The following POLR3H variants were observed in gnomAD, a reference collection of about 807,000 sequenced individuals.
The protein encoded by POLR3H is RNA polymerase III subunit H.
POLR3H carries 17 observed loss-of-function variants against 25.5 expected under a neutral mutation model. That is an observed-to-expected ratio of 0.67 (90% CI 0.46 to 1.00). POLR3H has a LOEUF of 1.00. Ranked by LOEUF, POLR3H falls within the 50% of genes least tolerant of loss-of-function variation. POLR3H has a pLI of 0.00. For synonymous variants in POLR3H, 129 were observed against 103.0 expected, an observed-to-expected ratio of 1.25 and a Z score of -1.53; for missense variants, 274 against 265.0, an observed-to-expected ratio of 1.03 and a Z score of -0.24.
At chr22:41,534,678 G>A (rs1197960537) in intron 2 of POLR3H, among the ~76,000 whole-genome samples, 2 of 151,926 alleles carry the variant, frequency 1.3e-5, no homozygotes, top group African/African-American at 2.4e-5. Flanking sequence ...GATCACCTGA[G>A]GTCAGCAGTT....
Position 41,526,052 on chromosome 22 carries a change from C to T in POLR3H, c.*3231G>A, listed in dbSNP as rs540690362. ...ATAAGGGAGACTGAGCAGCCAGAGG[C>T]CTTTGAGGGGATGAAGGCCTGGCCT... is the stretch of plus-strand genomic sequence containing the variant. On this transcript the variant is annotated 3_prime_UTR_variant, in exon 6 of 6. Coordinates refer to ENST00000355209, the MANE Select transcript of POLR3H (RefSeq NM_001018050.4). 4.0e-4 allele frequency: 213 copies of T among 527,144 alleles called. 1 individual carries two copies. Among genetic ancestry groups the T allele is most frequent in the Middle Eastern group, 1.0e-3 (2 of 1,976 alleles). The allele number at this position is 527,144 out of a possible 1,614,324, so 32.7% of individuals were successfully genotyped here.
In POLR3H at chr22:41,528,553, G is replaced by T. The variant is rs183859386; in HGVS notation, c.*730C>A. ...TCCTGAACCACACCTTCAACGAGAC[G>T]CAGATTGAGTGGTTCCGCGCTGGCA... On this transcript the variant is annotated 3_prime_UTR_variant, in exon 6 of 6. Coordinates refer to ENST00000355209, the MANE Select transcript of POLR3H (RefSeq NM_001018050.4). 1.4e-5 allele frequency: 22 copies of T among 1,613,114 alleles called. No homozygotes were observed. The highest frequency in any genetic ancestry group is 1.9e-5 in the Non-Finnish European group (22 of 1,180,032).
At chr22:41,543,582 C>T (rs2066967120) in intron 1 of POLR3H, among the ~76,000 whole-genome samples, 1 of 152,060 alleles carries the variant, frequency 6.6e-6, no homozygotes, top group South Asian at 2.1e-4. Flanking sequence ...GATCGCGCCA[C>T]TGCACTCCAG....
intron 5 of POLR3H, 140 bp from the exon 6 acceptor site, chr22:41,529,476 T>C (rs149631361): frequency 1.2e-5 from 9 of 729,504 alleles, no homozygotes; most frequent in South Asian, 8.1e-5. Context: ...TCTGGAGAGA[T>C]GTGGGAGCCA....
chr22:41,532,256 T>C, intron 3 of POLR3H, 99 bp from the exon 4 acceptor site: 1 of 1,211,960 alleles, frequency 8.3e-7, no homozygotes. Flanking sequence ...TGCCTGGGGC[T>C]GCCCACGAGG....
chr22:41,526,765 G>A lies in POLR3H; in HGVS notation c.*2518C>T, dbSNP rs1166790789. 8.4e-6 allele frequency: 3 copies of A among 358,742 alleles called. No homozygotes were observed. Among genetic ancestry groups the A allele is most frequent in the East Asian group, 1.0e-4 (2 of 19,946 alleles). 22.2% of individuals were successfully genotyped at this position (358,742 alleles called of 1,614,324 possible). A position where few individuals can be genotyped will look rare whatever the true frequency, so the allele number is the denominator to read the frequency against. ...GTCAGAGGCCAAAAGCTCAGAGAGG[G>A]GGCTACACGGGGCCTCACAGTGAGC... On this transcript the variant is annotated 3_prime_UTR_variant, in exon 6 of 6. Coordinates refer to ENST00000355209, the MANE Select transcript of POLR3H (RefSeq NM_001018050.4).
At chr22:41,540,896 C>T (rs749793903) in intron 1 of POLR3H, 101 bp from the exon 2 acceptor site, 11 of 820,680 alleles carry the variant, frequency 1.3e-5, no homozygotes, top group Non-Finnish European at 2.2e-5. Flanking sequence ...ACAAGCAAGC[C>T]ATGATTATCT....
intron 2 of POLR3H, 78 bp downstream of exon 2, chr22:41,540,621 C>G (rs758370595): frequency 1.8e-6 from 2 of 1,122,202 alleles, no homozygotes; most frequent in East Asian, 2.3e-5. Context: ...CACCACTGAA[C>G]CTGGATTTGG....
At chr22:41,534,877 A>G (rs868334557) in intron 2 of POLR3H, among the ~76,000 whole-genome samples, 2 of 144,696 alleles carry the variant, frequency 1.4e-5, no homozygotes, top group Non-Finnish European at 3.0e-5. Flanking sequence ...CTGGGCAACA[A>G]GAGTGAAACT....
chr22:41,532,926 A>T (rs926736531), intron 2 of POLR3H, among the ~76,000 whole-genome samples, 181 bp from the exon 3 acceptor site: 1 of 152,162 alleles, frequency 6.6e-6, no homozygotes, highest in African/African-American at 2.4e-5. Context: ...GGGGGGCAGC[A>T]GCAGCTGTCC....
intron 2 of POLR3H, chr22:41,539,217 C>T (rs911531392): frequency 6.6e-6 from 1 of 152,036 alleles, no homozygotes; most frequent in African/African-American, 2.4e-5. Flanking sequence ...CAAGATCACA[C>T]TTCTGCACTC....
At position 41,526,668 on chromosome 22, in the gene POLR3H, G is replaced by A; in HGVS notation, c.*2615C>T. On this transcript the variant is annotated 3_prime_UTR_variant, in exon 6 of 6. Coordinates refer to ENST00000355209, the MANE Select transcript of POLR3H (RefSeq NM_001018050.4). ...GTGGTACAGCCGGGTCCCTGCACCAGGAGGAGTTAGTGAGAGATATCTTAG... is the reference window on the plus strand; with the variant it reads ...GTGGTACAGCCGGGTCCCTGCACCAAGAGGAGTTAGTGAGAGATATCTTAG... 1.9e-6 allele frequency: 1 copy of A among 521,026 alleles called. No homozygotes were observed. The highest frequency in any genetic ancestry group is 3.4e-6 in the Non-Finnish European group (1 of 294,630). The allele number at this position is 521,026 out of a possible 1,614,324, so 32.3% of individuals were successfully genotyped here. A position where few individuals can be genotyped will look rare whatever the true frequency, so the allele number is the denominator to read the frequency against.
Position 41,532,680 on chromosome 22 carries a change from A to T in POLR3H, c.274T>A (p.Cys92Ser). 6.2e-7 allele frequency: 1 copy of T among 1,614,100 alleles called. No individual in the cohort carries two copies. Among genetic ancestry groups the T allele is most frequent in the Non-Finnish European group, 8.5e-7 (1 of 1,179,974 alleles). ...DEILIGKIKG[C>S]SPEGVHVSLG... ...TTACCGTGCACTCCTTCTGGGCTGC[A>T]GCCTTTGATCTTCCCAATGAGAATC... The change falls in exon 3 of 6, where the codon TGC (cysteine) becomes AGC (serine). Residue 92 changes from cysteine (C) to serine (S), a missense_variant. Cys to Ser is a moderately radical substitution (Grantham distance 112). Coordinates refer to ENST00000355209, the MANE Select transcript of POLR3H (RefSeq NM_001018050.4).
intron 5 of POLR3H, among the ~76,000 whole-genome samples, chr22:41,529,956 CGT>C (rs1238018301): frequency 6.6e-6 from 1 of 151,884 alleles, no homozygotes; most frequent in Non-Finnish European, 1.5e-5. Flanking sequence ...GGGGTTTCAC[CGT>C]GTTAGCCAGG....
At position 41,527,969 on chromosome 22, in the gene POLR3H, C is replaced by G. The variant is rs2066639142; in HGVS notation, c.*1314G>C. On this transcript the variant is annotated 3_prime_UTR_variant, in exon 6 of 6. Transcript: ENST00000355209. The stretch of plus-strand genomic sequence containing the variant: ...TGACCCGGCTGACTACAACAAGATT[C>G]ACCCTGTGGACAAGCTGACCATTCA... 1 of 1,614,092 alleles carries G rather than the reference C, an allele frequency of 6.2e-7. No homozygotes were observed. Among genetic ancestry groups the G allele is most frequent in the African/African-American group, 1.3e-5 (1 of 74,938 alleles).
intron 1 of POLR3H, 170 bp downstream of exon 1, chr22:41,543,821 A>T: frequency 1.4e-6 from 1 of 709,434 alleles, no homozygotes. Context: ...TTTCAAGCCC[A>T]TTTTCTTTTG....
chr22:41,537,282 G>A, intron 2 of POLR3H, among the ~76,000 whole-genome samples: 1 of 152,304 alleles, frequency 6.6e-6, no homozygotes, highest in East Asian at 1.9e-4. Context: ...CTCTATTACT[G>A]TTATTATACT....
chr22:41,538,401 C>T (rs1374057910), intron 2 of POLR3H, among the ~76,000 whole-genome samples: 1 of 152,114 alleles, frequency 6.6e-6, no homozygotes, highest in African/African-American at 2.4e-5. Flanking sequence ...GCTGGGATTA[C>T]AGAAGTGAGC....
intron 5 of POLR3H, 120 bp downstream of exon 5, chr22:41,530,567 A>G: frequency 1.0e-6 from 1 of 957,028 alleles, no homozygotes; most frequent in Non-Finnish European, 1.5e-6. Flanking sequence ...AAGACCCCCC[A>G]AACAGGATCC....
Sources: allele counts gnomAD v4.1 joint callset (sites outside exome capture counted in the v4.1 genomes callset), GRCh38; gene constraint gnomAD v4.1.1; transcripts MANE v1.5; gene names NCBI Gene and HGNC (gene_info 2026-07-23, HGNC 2026-07-21).